The following ASTN2 variants were observed in gnomAD, a reference collection of about 807,000 sequenced individuals.
The protein encoded by ASTN2 is astrotactin-2.
Under a neutral mutation model 139.8 loss-of-function variants are expected in ASTN2, and 54 were observed. That is an observed-to-expected ratio of 0.39 (90% CI 0.31 to 0.48). The LOEUF is 0.48. Ranked by LOEUF, ASTN2 falls within the 20% of genes least tolerant of loss-of-function variation. The probability of loss-of-function intolerance (pLI) is 0.95; values close to 1 mark genes in which losing one functional copy is unlikely to be tolerated. For synonymous variants in ASTN2, 756 were observed against 719.5 expected, an observed-to-expected ratio of 1.05 and a Z score of -0.81; for missense variants, 1,565 against 1,725.1, an observed-to-expected ratio of 0.91 and a Z score of 1.64.
intron 10 of ASTN2, among the ~76,000 whole-genome samples, chr9:116,925,889 C>CAT (rs1491009815): frequency 6.6e-6 from 1 of 151,762 alleles, no homozygotes; most frequent in Non-Finnish European, 1.5e-5. Context: ...CACACACACA[C>CAT]ATATATACAC....
In ASTN2 at chr9:116,614,282, A is replaced by T. The variant is rs189161993; in HGVS notation, c.3355+4042T>A. The stretch of plus-strand genomic sequence containing the variant: ...TGGATAGGAAGAATCAATATTGTGA[A>T]AATTGCCATGCTGCCAAAGATAATT... On this transcript the variant is annotated intron_variant, in intron 19 of 22. Transcript: ENST00000313400. Among the ~76,000 whole-genome samples, 511 of 152,346 alleles carry T rather than the reference A, an allele frequency of 3.4e-3. 2 individuals are homozygous for T. Among genetic ancestry groups the T allele is most frequent in the African/African-American group, 0.012 (498 of 41,590 alleles).
intron 12 of ASTN2, 96 bp downstream of exon 12, chr9:116,820,521 A>G: frequency 7.0e-7 from 1 of 1,419,274 alleles, no homozygotes. Context: ...TTGAAGGTCA[A>G]GGTTCAGCCT....
intron 5 of ASTN2, among the ~76,000 whole-genome samples, chr9:117,082,190 T>A (rs1385589722): frequency 6.6e-6 from 1 of 152,156 alleles, no homozygotes; most frequent in East Asian, 1.9e-4. Flanking sequence ...CACAGGCACC[T>A]CAAAGGCAGC....
chr9:116,914,478 A>G (rs1015715475), intron 10 of ASTN2, among the ~76,000 whole-genome samples: 5 of 151,928 alleles, frequency 3.3e-5, no homozygotes, highest in Non-Finnish European at 7.4e-5. Context: ...AATAATAATA[A>G]CAGCATTTGT....
intron 12 of ASTN2, among the ~76,000 whole-genome samples, chr9:116,814,546 A>G (rs1831257445): frequency 6.6e-6 from 1 of 152,202 alleles, no homozygotes; most frequent in Admixed American, 6.5e-5. Context: ...ACACTAAGAA[A>G]GAAACAAGGA....
intron 16 of ASTN2, among the ~76,000 whole-genome samples, chr9:116,710,501 A>AG (rs1828120405): frequency 7.9e-6 from 1 of 126,696 alleles, no homozygotes; most frequent in African/African-American, 3.6e-5. Flanking sequence ...GAGGCCAAGG[A>AG]GGGGGGAATC....
rs143522896 is a variant in ASTN2, at chr9:117,330,617, CCT to C, written c.443-39106_443-39105del. Among the ~76,000 whole-genome samples, 719 of 152,284 alleles carry C rather than the reference CCT, an allele frequency of 4.7e-3. 20 individuals are homozygous for C. The highest frequency in any genetic ancestry group is 0.038 in the East Asian group (197 of 5,156). On this transcript the variant is annotated intron_variant, in intron 1 of 22. Transcript: ENST00000313400. ...TTCGCCTCCTCCCCACCTACCCCTT[CCT>C]CTGTGTCATTCTACATGAACACATG... is the stretch of plus-strand genomic sequence containing the variant.
chr9:117,319,455 A>T (rs1488466662), intron 1 of ASTN2, among the ~76,000 whole-genome samples: 4 of 152,040 alleles, frequency 2.6e-5, no homozygotes, highest in Admixed American at 2.0e-4. Flanking sequence ...TTGAGACAGC[A>T]TCTCACTCTA....
chr9:116,842,650 C>T (rs1302028778), intron 11 of ASTN2, among the ~76,000 whole-genome samples: 2 of 148,072 alleles, frequency 1.4e-5, no homozygotes, highest in Non-Finnish European at 3.0e-5. Context: ...CCCATAATTA[C>T]TGGGAGTTTT....
intron 5 of ASTN2, among the ~76,000 whole-genome samples, chr9:117,054,251 C>T (rs1009067467): frequency 1.3e-5 from 2 of 152,138 alleles, no homozygotes; most frequent in African/African-American, 2.4e-5. Flanking sequence ...AAGGAAGTGC[C>T]TGAAGGCTGT....
chr9:116,485,583 G>A (rs932780313), intron 20 of ASTN2, among the ~76,000 whole-genome samples: 1 of 152,194 alleles, frequency 6.6e-6, no homozygotes, highest in Non-Finnish European at 1.5e-5. Flanking sequence ...CTCAAAGTCA[G>A]TCCCCAGTCC....
chr9:116,912,056 G>C (rs1834327148), intron 10 of ASTN2, among the ~76,000 whole-genome samples: 2 of 152,322 alleles, frequency 1.3e-5, no homozygotes, highest in East Asian at 3.9e-4. Flanking sequence ...TTGCTTCTCT[G>C]TGATGGGTCA....
At chr9:116,558,301 G>A (rs984043727) in intron 19 of ASTN2, among the ~76,000 whole-genome samples, 1 of 151,660 alleles carries the variant, frequency 6.6e-6, no homozygotes, top group Non-Finnish European at 1.5e-5. Context: ...ATCTACTCTA[G>A]ACCCTTTACA....
chr9:116,495,769 C>T (rs901848993), intron 19 of ASTN2, among the ~76,000 whole-genome samples: 6 of 152,138 alleles, frequency 3.9e-5, no homozygotes, highest in Non-Finnish European at 5.9e-5. Context: ...CTCCAAAACC[C>T]GAGCCTTTCC....
chr9:117,220,351 G>T (rs1176785146), intron 2 of ASTN2, among the ~76,000 whole-genome samples: 2 of 152,056 alleles, frequency 1.3e-5, no homozygotes, highest in Non-Finnish European at 2.9e-5. Flanking sequence ...TGGGCAGTTG[G>T]CATCCTCCAA....
intron 11 of ASTN2, among the ~76,000 whole-genome samples, chr9:116,860,512 A>T (rs1832849155): frequency 6.6e-6 from 1 of 152,216 alleles, no homozygotes; most frequent in Non-Finnish European, 1.5e-5. Flanking sequence ...AACTGATGCT[A>T]ATGAAGTCAA....
intron 6 of ASTN2, among the ~76,000 whole-genome samples, chr9:117,027,580 A>C (rs898349408): frequency 1.3e-5 from 2 of 151,998 alleles, no homozygotes; most frequent in Non-Finnish European, 2.9e-5. Context: ...AGAAGTGCAC[A>C]TTCTCACTCC....
intron 16 of ASTN2, among the ~76,000 whole-genome samples, chr9:116,660,733 G>T (rs1360689093): frequency 6.6e-6 from 1 of 152,168 alleles, no homozygotes; most frequent in Non-Finnish European, 1.5e-5. Context: ...GAAGACAGTA[G>T]ACCAGGGTAG....
chr9:116,814,106 A>T (rs1002717843), intron 12 of ASTN2, among the ~76,000 whole-genome samples: 1 of 152,194 alleles, frequency 6.6e-6, no homozygotes, highest in Admixed American at 6.5e-5. Context: ...GAGCTGCACA[A>T]CAGGTAGACT....
Sources: allele counts gnomAD v4.1 joint callset (sites outside exome capture counted in the v4.1 genomes callset), GRCh38; gene constraint gnomAD v4.1.1; transcripts MANE v1.5; gene names NCBI Gene and HGNC (gene_info 2026-07-23, HGNC 2026-07-21).